Variants in OTOGL observed in about 807,000 individuals in gnomAD.
The protein encoded by OTOGL is otogelin like.
A neutral mutation model predicts 318.5 loss-of-function variants in OTOGL; 285 were observed. That is an observed-to-expected ratio of 0.89 (90% CI 0.81 to 0.99). The LOEUF is 0.99. Among genes scored for constraint, OTOGL ranks in the 50% least tolerant of loss-of-function variants. The pLI, the probability that OTOGL is intolerant of heterozygous loss-of-function variation, is 0.00. For missense variants in OTOGL, 2,899 were observed against 2,845.6 expected, an observed-to-expected ratio of 1.02 and a Z score of -0.43; for synonymous variants, 987 against 936.5, an observed-to-expected ratio of 1.05 and a Z score of -0.99.
At chr12:80,241,865 T>C (rs1880408837) in intron 11 of OTOGL, among the ~76,000 whole-genome samples, 1 of 152,146 alleles carries the variant, frequency 6.6e-6, no homozygotes, top group African/African-American at 2.4e-5. Flanking sequence ...TTTTTCCTTT[T>C]GTCGAGGTTA....
chr12:80,330,820 T>TTC (rs1320106430), intron 37 of OTOGL, among the ~76,000 whole-genome samples: 1 of 152,228 alleles, frequency 6.6e-6, no homozygotes, highest in Non-Finnish European at 1.5e-5. Flanking sequence ...TCGATTGTAT[T>TTC]TCTGTATACT....
chr12:80,315,985 C>G (rs542675775), intron 32 of OTOGL, among the ~76,000 whole-genome samples: 2 of 149,830 alleles, frequency 1.3e-5, no homozygotes, highest in African/African-American at 5.0e-5. Context: ...GTTGTGTTAA[C>G]TGCTTTCTCT....
chr12:80,272,064 A>G (rs1883451638), intron 24 of OTOGL, among the ~76,000 whole-genome samples: 1 of 152,168 alleles, frequency 6.6e-6, no homozygotes, highest in Non-Finnish European at 1.5e-5. Flanking sequence ...TGAAACTGCA[A>G]TTTTGAGAAA....
chr12:80,145,211 T>C (rs1272135694), intron 1 of OTOGL, among the ~76,000 whole-genome samples: 1 of 150,902 alleles, frequency 6.6e-6, no homozygotes, highest in Non-Finnish European at 1.5e-5. Flanking sequence ...AAGTCTTTAA[T>C]CCATCTTGAA....
At chr12:80,180,757 A>G (rs901312816) in intron 1 of OTOGL, among the ~76,000 whole-genome samples, 5 of 152,174 alleles carry the variant, frequency 3.3e-5, no homozygotes, top group African/African-American at 1.2e-4. Context: ...TGGCCCTGAC[A>G]GTGTCAAGGA....
chr12:80,298,552 T>C (rs1885563247), intron 27 of OTOGL, among the ~76,000 whole-genome samples: 1 of 152,172 alleles, frequency 6.6e-6, no homozygotes, highest in Admixed American at 6.5e-5. Context: ...TCAGAAGACA[T>C]GCTCTGGAGG....
intron 26 of OTOGL, among the ~76,000 whole-genome samples, chr12:80,284,247 A>G (rs573258753): frequency 6.6e-6 from 1 of 152,150 alleles, no homozygotes; most frequent in Non-Finnish European, 1.5e-5. Context: ...GATGGTGTAT[A>G]TGTGCCACAT....
At chr12:80,140,573 T>C (rs1234834269) in intron 1 of OTOGL, among the ~76,000 whole-genome samples, 1 of 152,178 alleles carries the variant, frequency 6.6e-6, no homozygotes, top group East Asian at 1.9e-4. Context: ...AATGTCCCCA[T>C]GGCTCTGCCA....
intron 26 of OTOGL, among the ~76,000 whole-genome samples, chr12:80,294,356 C>T (rs538715744): frequency 2.6e-5 from 4 of 151,844 alleles, no homozygotes; most frequent in African/African-American, 9.7e-5. Flanking sequence ...TAATTAATAG[C>T]AATAAAATAT....
intron 54 of OTOGL, among the ~76,000 whole-genome samples, 157 bp downstream of exon 54, chr12:80,367,896 C>T (rs572429280): frequency 2.5e-4 from 38 of 152,222 alleles, no homozygotes; most frequent in Non-Finnish European, 4.7e-4. Flanking sequence ...AAAACACAGA[C>T]TTTCACTTTC....
chr12:80,227,683 G>A (rs890201369), intron 7 of OTOGL, among the ~76,000 whole-genome samples: 6 of 152,174 alleles, frequency 3.9e-5, no homozygotes, highest in Middle Eastern at 3.4e-3. Flanking sequence ...GGCATCAGAC[G>A]CTTGGATTCA....
At position 80,378,209 on chromosome 12, in the gene OTOGL, T is replaced by G. The variant is rs1236800716; in HGVS notation, c.*161T>G. 1.8e-6 allele frequency: 1 copy of G among 549,298 alleles called. No individual in the cohort carries two copies. Among genetic ancestry groups the G allele is most frequent in the African/African-American group, 1.9e-5 (1 of 53,110 alleles). The allele number at this position is 549,298 out of a possible 1,614,324, so 34.0% of individuals were successfully genotyped here. ...AGCAATTTGTACAAAATATATACAG[T>G]TTCAATAGCAAAATTAAATTTATTG... On this transcript the variant is annotated 3_prime_UTR_variant, in exon 59 of 59. Transcript: ENST00000547103.
At chr12:80,266,900 C>T (rs1883020948) in intron 21 of OTOGL, among the ~76,000 whole-genome samples, 1 of 152,116 alleles carries the variant, frequency 6.6e-6, no homozygotes, top group Non-Finnish European at 1.5e-5. Flanking sequence ...ACTTTAATAT[C>T]TCAGCACTCA....
Position 80,358,786 on chromosome 12 carries a change from T to G in OTOGL, c.6226+11T>G, listed in dbSNP as rs1592753517. ...CAACATGGCACTGTGGTAACTAATTTTCATATTTTAAGGTTTCATTATAAT... is the reference window on the plus strand; with the variant it reads ...CAACATGGCACTGTGGTAACTAATTGTCATATTTTAAGGTTTCATTATAAT... On this transcript the variant is annotated intron_variant, in intron 51 of 58. Coordinates refer to ENST00000547103, the MANE Select transcript of OTOGL (RefSeq NM_001378609.3). The G allele has an allele frequency of 6.3e-7, 1 of 1,592,272 alleles. No individual in the cohort carries two copies.
At chr12:80,309,129 T>A (rs1042058494) in intron 29 of OTOGL, among the ~76,000 whole-genome samples, 2 of 152,248 alleles carry the variant, frequency 1.3e-5, no homozygotes, top group Non-Finnish European at 2.9e-5. Context: ...TCAGGTCATT[T>A]AAAAAATTCA....
At position 80,257,969 on chromosome 12, in the gene OTOGL, G is replaced by A. The variant is rs559741045; in HGVS notation, c.1856G>A (p.Gly619Asp). Residue 619 changes from glycine to aspartate, a missense_variant, in exon 18 of 59, where the codon GGC becomes GAC. By Grantham distance (94) the Gly-to-Asp change is moderately conservative. Coordinates refer to ENST00000547103, the MANE Select transcript of OTOGL (RefSeq NM_001378609.3). ...AAAAGAAGAACATTAGGTCTGTGTG[G>A]CACTTTTAATGGCAACATAAGGGAT... is the stretch of plus-strand genomic sequence containing the variant. ...AWKRRTLGLC[G>D]TFNGNIRDDF... The A allele has an allele frequency of 1.1e-5, 17 of 1,593,408 alleles. No individual in the cohort carries two copies. The highest frequency in any genetic ancestry group is 1.7e-5 in the Admixed American group (1 of 58,364).
chr12:80,135,840 G>T (rs1871533882), intron 1 of OTOGL, among the ~76,000 whole-genome samples: 1 of 152,140 alleles, frequency 6.6e-6, no homozygotes, highest in Non-Finnish European at 1.5e-5. Context: ...ATCAGTTGAA[G>T]GTCTGAGTAG....
intron 19 of OTOGL, among the ~76,000 whole-genome samples, chr12:80,262,647 T>A (rs1370600607): frequency 2.0e-5 from 3 of 152,128 alleles, no homozygotes; most frequent in Non-Finnish European, 2.9e-5. Flanking sequence ...ACAACTCACA[T>A]GCTAAGAATT....
At chr12:80,133,373 T>C (rs1260002319) in intron 1 of OTOGL, 3 of 152,208 alleles carry the variant, frequency 2.0e-5, no homozygotes, top group Non-Finnish European at 4.4e-5. Flanking sequence ...GATGCTTATA[T>C]ATGAAATTTA....
Sources: gnomAD v4.1 joint callset for allele counts (sites outside exome capture counted in the v4.1 genomes callset) on GRCh38, gnomAD v4.1.1 for gene constraint, MANE v1.5 for transcripts, NCBI Gene and HGNC (gene_info 2026-07-23, HGNC 2026-07-21) for gene names.